APMAP: variants seen among roughly 807,000 people sequenced by gnomAD.
APMAP encodes the protein adipocyte plasma membrane-associated protein.
A neutral mutation model predicts 43.6 loss-of-function variants in APMAP; 33 were observed. That is an observed-to-expected ratio of 0.76 (90% confidence interval 0.57 to 1.01). The LOEUF is 1.01. Among genes scored for constraint, APMAP ranks in the 50% least tolerant of loss-of-function variants. The pLI, the probability that APMAP is intolerant of heterozygous loss-of-function variation, is 0.00. For missense variants in APMAP, 498 were observed against 540.7 expected (o/e 0.92, Z 0.78); for synonymous variants, 224 against 216.7 (o/e 1.03, Z -0.30).
intron 1 of APMAP, among the ~76,000 whole-genome samples, chr20:24,987,872 A>G (rs2088161578): frequency 6.6e-6 from 1 of 152,220 alleles, no homozygotes; most frequent in South Asian, 2.1e-4. Flanking sequence ...AACCCAAGTG[A>G]TTTTCTTTAA....
intron 8 of APMAP, among the ~76,000 whole-genome samples, chr20:24,965,271 G>C (rs1283486153): frequency 6.6e-6 from 1 of 152,214 alleles, no homozygotes; most frequent in African/African-American, 2.4e-5. Flanking sequence ...CCCTGGCCTG[G>C]GCCCTGCCCT....
chr20:24,968,505 AG>A (rs1439270396), intron 8 of APMAP, among the ~76,000 whole-genome samples: 3 of 152,140 alleles, frequency 2.0e-5, no homozygotes, highest in African/African-American at 7.2e-5. Context: ...GGAGGCAGAG[AG>A]GGGGGTGGAG....
intron 2 of APMAP, among the ~76,000 whole-genome samples, chr20:24,981,230 C>T (rs1327635054): frequency 6.6e-6 from 1 of 152,202 alleles, no homozygotes; most frequent in East Asian, 1.9e-4. Flanking sequence ...ATAGACACAG[C>T]ATATATGACA....
intron 8 of APMAP, among the ~76,000 whole-genome samples, chr20:24,966,376 C>T (rs1476976621): frequency 2.6e-5 from 4 of 152,158 alleles, no homozygotes; most frequent in Admixed American, 6.5e-5. Flanking sequence ...CACCTCTCTG[C>T]GAGCAACTCA....
chr20:24,964,258 A>G lies in APMAP; in HGVS notation c.1042-236T>C, dbSNP rs1046087873. The G allele has an allele frequency of 4.5e-6, 3 of 669,802 alleles. No homozygotes were observed. In the Admixed American group the frequency reaches 6.2e-5, roughly 14 times the overall value. 41.5% of individuals were successfully genotyped at this position (669,802 alleles called of 1,614,324 possible). Reference sequence around the variant, plus strand: ...GAAGATCAGGCCAAAGAGGCTCCCCAGCACAAGGACAGCAACGCAAGCACA... The same window carrying G: ...GAAGATCAGGCCAAAGAGGCTCCCCGGCACAAGGACAGCAACGCAAGCACA... On this transcript the variant is annotated intron_variant, in intron 8 of 8. Transcript: ENST00000217456.
At chr20:24,978,945 G>T in intron 2 of APMAP, 63 bp from the exon 3 acceptor site, 2 of 1,305,898 alleles carry the variant, frequency 1.5e-6, no homozygotes, top group Non-Finnish European at 2.2e-6. Context: ...AATGTGTACC[G>T]AGCACCTGCT....
At chr20:24,983,502 G>C (rs912631995) in intron 2 of APMAP, among the ~76,000 whole-genome samples, 1 of 152,098 alleles carries the variant, frequency 6.6e-6, no homozygotes, top group Non-Finnish European at 1.5e-5. Flanking sequence ...ATCGGTGAAA[G>C]GTAACTTAGG....
intron 1 of APMAP, among the ~76,000 whole-genome samples, chr20:24,986,541 A>C (rs1221852275): frequency 6.6e-6 from 1 of 152,264 alleles, no homozygotes; most frequent in Non-Finnish European, 1.5e-5. Context: ...CACCACAGGC[A>C]TAAAAATGTC....
At chr20:24,985,818 G>A (rs536093079) in intron 1 of APMAP, among the ~76,000 whole-genome samples, 3 of 150,012 alleles carry the variant, frequency 2.0e-5, no homozygotes, top group South Asian at 2.1e-4. Context: ...AGAAGGAAGA[G>A]GGGAGCATAG....
At chr20:24,974,986 AT>A (rs2088038418) in intron 3 of APMAP, among the ~76,000 whole-genome samples, 1 of 152,198 alleles carries the variant, frequency 6.6e-6, no homozygotes. Flanking sequence ...CCCATTCATG[AT>A]TAAAAACTCT....
intron 3 of APMAP, 128 bp downstream of exon 3, chr20:24,978,639 G>T: frequency 2.8e-6 from 2 of 708,442 alleles, no homozygotes; most frequent in South Asian, 1.8e-5. Flanking sequence ...TCCCACGTCC[G>T]CAGCTAAGAA....
At chr20:24,985,405 T>C (rs1568817763) in intron 1 of APMAP, among the ~76,000 whole-genome samples, 1 of 152,224 alleles carries the variant, frequency 6.6e-6, no homozygotes, top group Non-Finnish European at 1.5e-5. Context: ...GCAGAGTGGC[T>C]GGGTTCTGCC....
intron 1 of APMAP, 73 bp from the exon 2 acceptor site, chr20:24,984,092 C>T: frequency 6.4e-6 from 8 of 1,252,212 alleles, no homozygotes; most frequent in East Asian, 2.4e-5. Flanking sequence ...GTCCGAAAGC[C>T]CTCCCGGCAG....
At position 24,971,558 on chromosome 20, in the gene APMAP, G is replaced by A. The variant is rs2088000765; in HGVS notation, c.440C>T (p.Pro147Leu). 6.2e-7 allele frequency: 1 copy of A among 1,614,020 alleles called. No individual in the cohort carries two copies. Among genetic ancestry groups the A allele is most frequent in the African/African-American group, 1.3e-5 (1 of 74,916 alleles). Residue 147 changes from proline (P) to leucine (L), a missense_variant, in exon 5 of 9, where the codon CCT becomes CTT. Transcript: ENST00000217456. ...GATACCCAGGGGTCTCCCACACACA[G>A]GCTCATCATCTCGGGTTTCTAGAAA... ...SGPCKTRDDE[P>L]VCGRPLGIRA... is the part of the protein sequence containing the mutation.
In APMAP at chr20:24,984,103, G is replaced by A. The variant is rs554542835; in HGVS notation, c.96-84C>T. ...GCTGGTCCGAAAGCCCTCCCGGCAG[G>A]AGCAGGGACGCTCATCCAGTTTCCC... On this transcript the variant is annotated intron_variant, in intron 1 of 8. Coordinates refer to ENST00000217456, the MANE Select transcript of APMAP (RefSeq NM_020531.3). The A allele has an allele frequency of 4.5e-5, 47 of 1,048,984 alleles. No individual in the cohort carries two copies. In the East Asian group the frequency reaches 1.1e-3, roughly 25 times the overall value. The allele number at this position is 1,048,984 out of a possible 1,614,324, so 65.0% of individuals were successfully genotyped here.
chr20:24,973,697 T>C lies in APMAP; in HGVS notation c.369A>G (p.Lys123=). 1.2e-6 allele frequency: 2 copies of C among 1,614,144 alleles called. No homozygotes were observed. The highest frequency in any genetic ancestry group is 1.7e-4 in the Middle Eastern group (1 of 6,060). ...FTGTADGRVV[K]LENGEIETIA... is the part of the protein sequence containing the mutation. ...TGGTCTCTATTTCACCATTTTCAAGTTTTACGACCCGGCCATCTGCTGTCC... is the reference window on the plus strand; with the variant it reads ...TGGTCTCTATTTCACCATTTTCAAGCTTTACGACCCGGCCATCTGCTGTCC... The change falls in exon 4 of 9, where the codon AAA becomes AAG. Residue 123 remains lysine (K), a synonymous_variant. Coordinates refer to ENST00000217456, the MANE Select transcript of APMAP (RefSeq NM_020531.3).
rs2088171344 is a variant in APMAP, at chr20:24,989,120, TTAAA to T, written c.95+3470_95+3473del. 2.0e-5 allele frequency among the ~76,000 whole-genome samples: 3 copies of T among 152,070 alleles called. No homozygotes were observed. The South Asian group carries it at 6.2e-4, about 32-fold the overall frequency. The stretch of plus-strand genomic sequence containing the variant: ...GCCTCCCTCTTACTCTTTTTTTAAC[TTAAA>T]TAAAGAACACTGTATCGATCCCTAT... On this transcript the variant is annotated intron_variant, in intron 1 of 8. Transcript: ENST00000217456.
intron 8 of APMAP, among the ~76,000 whole-genome samples, chr20:24,965,596 G>C (rs766827223): frequency 1.3e-5 from 2 of 152,344 alleles, no homozygotes; most frequent in South Asian, 2.1e-4. Flanking sequence ...GTGAGGCCCA[G>C]ATCAGGCTGT....
At chr20:24,982,851 C>T (rs900372066) in intron 2 of APMAP, among the ~76,000 whole-genome samples, 5 of 152,150 alleles carry the variant, frequency 3.3e-5, no homozygotes. Context: ...GCCACCCACC[C>T]CTGACGCCCC....
Sources: allele counts gnomAD v4.1 joint callset (sites outside exome capture counted in the v4.1 genomes callset), GRCh38; gene constraint gnomAD v4.1.1; transcripts MANE v1.5; gene names NCBI Gene and HGNC (gene_info 2026-07-23, HGNC 2026-07-21).